HDLBP: variants seen among roughly 807,000 people sequenced by gnomAD.
HDLBP encodes the protein high density lipoprotein binding protein.
Under a neutral mutation model 137.3 loss-of-function variants are expected in HDLBP, and 30 were observed. The observed-to-expected ratio is 0.22, with a 90% CI of 0.16 to 0.30. HDLBP has a LOEUF of 0.30. Ranked by LOEUF, HDLBP falls within the 10% of genes least tolerant of loss-of-function variation. The probability of loss-of-function intolerance (pLI) is 1.00; values close to 1 mark genes in which losing one functional copy is unlikely to be tolerated. For missense variants in HDLBP, 1,119 were observed against 1,667.3 expected (o/e 0.67, Z 5.73); for synonymous variants, 606 against 596.0 (o/e 1.02, Z -0.24).
chr2:241,280,039 G>A (rs1688417261), intron 1 of HDLBP: 14 of 985,260 alleles, frequency 1.4e-5, no homozygotes, highest in Non-Finnish European at 1.7e-5. Context: ...GAGATGTGGA[G>A]GACAGGCGCC....
chr2:241,242,837 T>C, intron 16 of HDLBP, 159 bp from the exon 17 acceptor site: 1 of 671,592 alleles, frequency 1.5e-6, no homozygotes. Context: ...AAGCCATTTT[T>C]GACCTGCACG....
At chr2:241,275,623 A>G (rs936046730) in intron 1 of HDLBP, among the ~76,000 whole-genome samples, 1 of 152,204 alleles carries the variant, frequency 6.6e-6, no homozygotes, top group Non-Finnish European at 1.5e-5. Context: ...AAACTAATCC[A>G]AATCAAAACA....
At chr2:241,266,762 T>C in intron 3 of HDLBP, 32 bp downstream of exon 3, 4 of 1,338,836 alleles carry the variant, frequency 3.0e-6, no homozygotes, top group South Asian at 1.2e-5. Context: ...GCCTTAGACA[T>C]TACCAGGAAG....
rs2070308413 is a variant in HDLBP at position 241,235,602 on chromosome 2, G to T, written c.2905-8C>A. 6.2e-7 allele frequency: 1 copy of T among 1,604,344 alleles called. No homozygotes were observed. Among genetic ancestry groups the T allele is most frequent in the African/African-American group, 1.3e-5 (1 of 74,700 alleles). On this transcript the variant is annotated splice_region_variant and splice_polypyrimidine_tract_variant and intron_variant, in intron 21 of 27. Coordinates refer to ENST00000310931, the MANE Select transcript of HDLBP (RefSeq NM_005336.6). ...GGTGACAGGAACCAATGCCTGCAGG[G>T]AGGATGGTCATGGTTAGGCCGTGGG...
rs11423330 is a variant in HDLBP, at chr2:241,299,505, CAAAAAAAAA to C, written c.-103+16056_-103+16064del. Reference sequence around the variant, plus strand: ...ACTGAACTCCAGCCTGGCTCCGTCTCAAAAAAAAAAAAAAAAAAAAAAAAAGAAAGGAAA... The same window carrying C: ...ACTGAACTCCAGCCTGGCTCCGTCTCAAAAAAAAAAAAAAAAGAAAGGAAA... On this transcript the variant is annotated intron_variant, in intron 1 of 27. Coordinates refer to ENST00000310931, the MANE Select transcript of HDLBP (RefSeq NM_005336.6). 4.8e-4 allele frequency among the ~76,000 whole-genome samples: 24 copies of C among 49,596 alleles called. No individual in the cohort carries two copies. In the Middle Eastern group the frequency reaches 0.071, roughly 148 times the overall value. The allele number at this position is 49,596 out of a possible 152,430, so 32.5% of individuals were successfully genotyped here. A position where few individuals can be genotyped will look rare whatever the true frequency, so the allele number is the denominator to read the frequency against.
At chr2:241,284,433 C>T (rs888632324) in intron 1 of HDLBP, among the ~76,000 whole-genome samples, 2 of 152,182 alleles carry the variant, frequency 1.3e-5, no homozygotes, top group Non-Finnish European at 2.9e-5. Flanking sequence ...CATGATAAAA[C>T]GTGAACAGAT....
chr2:241,299,505 C>CAAAAAAAAAAAA (rs11423330), intron 1 of HDLBP, among the ~76,000 whole-genome samples: 1 of 49,594 alleles, frequency 2.0e-5, no homozygotes, highest in Admixed American at 2.8e-4. Context: ...GGCTCCGTCT[C>CAAAAAAAAAAAA]AAAAAAAAAA....
intron 1 of HDLBP, among the ~76,000 whole-genome samples, chr2:241,311,228 G>T (rs927668829): frequency 2.0e-5 from 3 of 152,222 alleles, no homozygotes; most frequent in African/African-American, 4.8e-5. Flanking sequence ...ATCAATAAAA[G>T]AGAATCAGAA....
intron 21 of HDLBP, 79 bp from the exon 22 acceptor site, chr2:241,235,673 G>A (rs1316432740): frequency 8.4e-6 from 8 of 948,148 alleles, no homozygotes; most frequent in Admixed American, 1.9e-5. Flanking sequence ...GGGGCTCCAC[G>A]AAACACAAGG....
chr2:241,251,934 G>A (rs1215650335), intron 11 of HDLBP, among the ~76,000 whole-genome samples: 1 of 152,152 alleles, frequency 6.6e-6, no homozygotes, highest in Non-Finnish European at 1.5e-5. Context: ...CTGAGATCAC[G>A]CCACTGCACT....
chr2:241,230,650 T>G lies in HDLBP; in HGVS notation c.3474+109A>C. On this transcript the variant is annotated intron_variant, in intron 25 of 27. Coordinates refer to ENST00000310931, the MANE Select transcript of HDLBP (RefSeq NM_005336.6). The surrounding 1 kb of genome is among the most constrained non-coding windows in gnomAD (Gnocchi z 5.0). ...ACAGTTCCACTGCCAGCCCTGGGGT[T>G]GTGGCCTCATCATCTTGAGGGGAAG... 1.1e-6 allele frequency: 1 copy of G among 926,390 alleles called. No individual in the cohort carries two copies. Among genetic ancestry groups the G allele is most frequent in the East Asian group, 2.6e-5 (1 of 38,108 alleles). The allele number at this position is 926,390 out of a possible 1,614,324, so 57.4% of individuals were successfully genotyped here.
chr2:241,310,379 T>C (rs987841213), intron 1 of HDLBP, among the ~76,000 whole-genome samples: 8 of 152,172 alleles, frequency 5.3e-5, no homozygotes, highest in African/African-American at 1.7e-4. Context: ...ATATAGTAAA[T>C]AATAATGTCG....
chr2:241,309,269 C>T (rs939128917), intron 1 of HDLBP, among the ~76,000 whole-genome samples: 7 of 152,172 alleles, frequency 4.6e-5, no homozygotes, highest in African/African-American at 1.7e-4. Context: ...CTTACCAAAA[C>T]GTGACCTCCG....
intron 2 of HDLBP, chr2:241,267,507 G>T: frequency 7.0e-7 from 1 of 1,421,916 alleles, no homozygotes; most frequent in Non-Finnish European, 9.6e-7. Flanking sequence ...CAGGCTCCAG[G>T]CATAGATCAA....
At position 241,272,104 on chromosome 2, in the gene HDLBP, T is replaced by TG. The variant is rs1290921129; in HGVS notation, c.-102-3564dup. 1 of 763,506 alleles carries TG rather than the reference T, an allele frequency of 1.3e-6. No individual in the cohort carries two copies. The highest frequency in any genetic ancestry group is 1.9e-5 in the African/African-American group (1 of 53,102). 47.3% of individuals were successfully genotyped at this position (763,506 alleles called of 1,614,324 possible). ...GTAATGTATTTTTCATCCACGACCCTGGGGCACGTCCAAGTTGCACTCCAG... is the reference window on the plus strand; with the variant it reads ...GTAATGTATTTTTCATCCACGACCCTGGGGGCACGTCCAAGTTGCACTCCAG... On this transcript the variant is annotated intron_variant, in intron 1 of 27. Transcript: ENST00000310931. This position sits in a 1 kb window ranked among gnomAD's most constrained non-coding sequence, Gnocchi z 5.6.
intron 5 of HDLBP, among the ~76,000 whole-genome samples, chr2:241,258,195 T>C (rs976020980): frequency 6.7e-6 from 1 of 148,942 alleles, no homozygotes; most frequent in Admixed American, 6.7e-5. Flanking sequence ...TCACCAAAAA[T>C]ACAAAAATTA....
chr2:241,309,101 T>C (rs2075680911), intron 1 of HDLBP, among the ~76,000 whole-genome samples: 1 of 152,152 alleles, frequency 6.6e-6, no homozygotes, highest in Non-Finnish European at 1.5e-5. Flanking sequence ...TCATCTCAAG[T>C]TTGAATCAAC....
In HDLBP at chr2:241,233,325, T is replaced by C. The variant is rs376096360; in HGVS notation, c.3288+495A>G. Among the ~76,000 whole-genome samples, 47 of 152,134 alleles carry C rather than the reference T, an allele frequency of 3.1e-4. No individual in the cohort carries two copies. In the East Asian group the frequency reaches 7.0e-3, roughly 23 times the overall value. On this transcript the variant is annotated intron_variant, in intron 24 of 27. Coordinates refer to ENST00000310931, the MANE Select transcript of HDLBP (RefSeq NM_005336.6). This position sits in a 1 kb window ranked among gnomAD's most constrained non-coding sequence, Gnocchi z 4.3. ...TTGTTCTGAGTGAAGCAGGAGGCCA[T>C]GAGGGCCAGTGGCAGGGGGGTGGCA...
chr2:241,314,491 G>A lies in HDLBP; in HGVS notation c.-103+1079C>T, dbSNP rs373391354. On this transcript the variant is annotated intron_variant, in intron 1 of 27. Transcript: ENST00000310931. ...TCATTGATTGAGGGCTTAGGGTATA[G>A]GTAGCTATGAATCTGAGGACATAAA... Among the ~76,000 whole-genome samples the A allele has an allele frequency of 3.3e-5, 5 of 152,302 alleles. No homozygotes were observed. In the South Asian group the frequency reaches 6.2e-4, roughly 19 times the overall value.
Sources: allele counts gnomAD v4.1 joint callset (sites outside exome capture counted in the v4.1 genomes callset), GRCh38; gene constraint gnomAD v4.1.1; non-coding constraint Gnocchi (gnomAD v3.1); transcripts MANE v1.5; gene names NCBI Gene and HGNC (gene_info 2026-07-23, HGNC 2026-07-21).